The following PCOLCE2 variants were observed in gnomAD, a reference collection of about 807,000 sequenced individuals.
PCOLCE2 encodes the protein procollagen C-proteinase enhancer 2.
Under a neutral mutation model 47.0 loss-of-function variants are expected in PCOLCE2, and 42 were observed. That is an observed-to-expected ratio of 0.89 (90% CI 0.70 to 1.16). The LOEUF (loss-of-function observed/expected upper bound fraction) is 1.16. Among genes scored for constraint, PCOLCE2 ranks in the 50% most tolerant of loss-of-function variants. The pLI is 0.00. For synonymous variants in PCOLCE2, 169 were observed against 191.7 expected, an observed-to-expected ratio of 0.88 and a Z score of 0.98; for missense variants, 500 against 526.1, an observed-to-expected ratio of 0.95 and a Z score of 0.49.
chr3:142,882,027 C>A (rs959487887), intron 2 of PCOLCE2, among the ~76,000 whole-genome samples: 3 of 151,962 alleles, frequency 2.0e-5, no homozygotes, highest in Non-Finnish European at 4.4e-5. Context: ...TCATCATCAT[C>A]GTCGTCATCA....
At chr3:142,826,427 A>AC (rs1293644886) in intron 6 of PCOLCE2, among the ~76,000 whole-genome samples, 1 of 151,932 alleles carries the variant, frequency 6.6e-6, no homozygotes, top group African/African-American at 2.4e-5. Context: ...GAGAGGGGTC[A>AC]CCCCCCTCCG....
chr3:142,840,265 A>ATTTAGTGTCCAATAATT (rs1937251227), intron 4 of PCOLCE2, among the ~76,000 whole-genome samples: 1 of 152,212 alleles, frequency 6.6e-6, no homozygotes, highest in African/African-American at 2.4e-5. Context: ...AGTACCAATA[A>ATTTAGTGTCCAATAATT]TAGTGTCCTA....
intron 6 of PCOLCE2, among the ~76,000 whole-genome samples, chr3:142,824,967 A>C (rs779128093): frequency 2.0e-5 from 3 of 152,224 alleles, no homozygotes; most frequent in African/African-American, 7.2e-5. Context: ...AGTTAACTCC[A>C]GAAAGAATCT....
intron 6 of PCOLCE2, chr3:142,827,776 C>A: frequency 1.6e-6 from 1 of 634,982 alleles, no homozygotes; most frequent in Non-Finnish European, 2.8e-6. Flanking sequence ...GTCTGGGGAC[C>A]CGTGTACCCC....
intron 6 of PCOLCE2, chr3:142,827,814 TC>T: frequency 1.7e-6 from 1 of 577,088 alleles, no homozygotes. Flanking sequence ...CTGGAAAATC[TC>T]ACGGACACCT....
In PCOLCE2 at chr3:142,848,486, C is replaced by A; in HGVS notation, c.193-14G>T. 6.3e-7 allele frequency: 1 copy of A among 1,584,624 alleles called. No homozygotes were observed. The highest frequency in any genetic ancestry group is 8.6e-7 in the Non-Finnish European group (1 of 1,160,724). The stretch of plus-strand genomic sequence containing the variant: ...TCCTTCGGGAACCTGCCAAGAAAAG[C>A]GCCAATTAGAAAACTGTCATGAAAA... On this transcript the variant is annotated splice_polypyrimidine_tract_variant and intron_variant, in intron 2 of 8. Transcript: ENST00000295992.
In PCOLCE2 at chr3:142,853,900, G is replaced by A. The variant is rs116496720; in HGVS notation, c.193-5428C>T. 1.7e-3 allele frequency among the ~76,000 whole-genome samples: 254 copies of A among 152,314 alleles called. 3 individuals are homozygous for A. The highest frequency in any genetic ancestry group is 5.7e-3 in the African/African-American group (236 of 41,570). On this transcript the variant is annotated intron_variant, in intron 2 of 8. Transcript: ENST00000295992. ...TCCTATCAACAGCAAAGTCCCGTGT[G>A]GGCCAAAGCGTAGAGCTTCCACAGT...
Position 142,834,705 on chromosome 3 carries a change from C to T in PCOLCE2, c.710+4065G>A, listed in dbSNP as rs533464685. ...GTCATAGAATTTTTTTTATACATTG[C>T]TAAATTTGGCTTGCCAAGTTTTTTG... is the stretch of plus-strand genomic sequence containing the variant. On this transcript the variant is annotated intron_variant, in intron 5 of 8. Transcript: ENST00000295992. 3.3e-5 allele frequency among the ~76,000 whole-genome samples: 5 copies of T among 152,188 alleles called. No individual in the cohort carries two copies. The East Asian group carries it at 9.6e-4, about 29-fold the overall frequency.
At chr3:142,839,390 G>A (rs976779653) in intron 4 of PCOLCE2, among the ~76,000 whole-genome samples, 24 of 151,504 alleles carry the variant, frequency 1.6e-4, no homozygotes, top group African/African-American at 5.3e-4. Context: ...TCAGCTCACT[G>A]CAACCTCTGC....
chr3:142,826,362 C>T (rs936741851), intron 6 of PCOLCE2, among the ~76,000 whole-genome samples: 2 of 152,092 alleles, frequency 1.3e-5, no homozygotes, highest in African/African-American at 4.8e-5. Flanking sequence ...TTCTCAAGAT[C>T]CCCACCAAAC....
At position 142,823,540 on chromosome 3, in the gene PCOLCE2, C is replaced by T; in HGVS notation, c.941G>A (p.Ser314Asn). ...TGGCTTTTATTTCTTACCAAAGTCA[C>T]TTGAACAATAATTGCCCTCCAGAGT... is the stretch of plus-strand genomic sequence containing the variant. ...TGTLEGNYCS[S>N]DFVLAGTVIT... The change falls in exon 7 of 9, where the codon AGT (serine) becomes AAT (asparagine). Residue 314 changes from serine to asparagine, a missense_variant. Physicochemically the swap from Ser to Asn is conservative, Grantham distance 46. Transcript: ENST00000295992. 6.2e-7 allele frequency: 1 copy of T among 1,600,938 alleles called. No homozygotes were observed. The highest frequency in any genetic ancestry group is 8.6e-7 in the Non-Finnish European group (1 of 1,168,894).
Position 142,823,915 on chromosome 3 carries a change from G to A in PCOLCE2, c.866-300C>T, listed in dbSNP as rs577543510. Among the ~76,000 whole-genome samples, 35 of 152,242 alleles carry A rather than the reference G, an allele frequency of 2.3e-4. 2 individuals are homozygous for A. The highest frequency in any genetic ancestry group is 5.9e-5 in the Non-Finnish European group (4 of 68,018). ...ACAAACACTATAAGAAAATACAGGC[G>A]TACTCTGAGTGTGTGCCCTGTTTAG... is the stretch of plus-strand genomic sequence containing the variant. On this transcript the variant is annotated intron_variant, in intron 6 of 8. Coordinates refer to ENST00000295992, the MANE Select transcript of PCOLCE2 (RefSeq NM_013363.4).
intron 3 of PCOLCE2, chr3:142,846,786 C>T (rs1937333093): frequency 6.6e-6 from 1 of 152,044 alleles, no homozygotes; most frequent in Non-Finnish European, 1.5e-5. Flanking sequence ...GATCCTGTTT[C>T]TTTTATCTCT....
intron 2 of PCOLCE2, among the ~76,000 whole-genome samples, chr3:142,853,487 G>T (rs527858551): frequency 6.6e-6 from 1 of 152,124 alleles, no homozygotes; most frequent in African/African-American, 2.4e-5. Context: ...CCCAGGATCT[G>T]GCATGGCCCC....
At chr3:142,838,544 C>T (rs1389631001) in intron 5 of PCOLCE2, among the ~76,000 whole-genome samples, 1 of 152,154 alleles carries the variant, frequency 6.6e-6, no homozygotes. Flanking sequence ...CCTCATGCTT[C>T]CTGTACAACA....
At chr3:142,888,565 A>G in intron 1 of PCOLCE2, 1 of 396,482 alleles carries the variant, frequency 2.5e-6, no homozygotes, top group Non-Finnish European at 4.5e-6. Context: ...GTGGTGGCCA[A>G]GCCAGCTGCA....
At chr3:142,835,347 G>A (rs1031229624) in intron 5 of PCOLCE2, among the ~76,000 whole-genome samples, 1 of 151,980 alleles carries the variant, frequency 6.6e-6, no homozygotes, top group African/African-American at 2.4e-5. Context: ...AACTATTTCT[G>A]GTAATGCTTT....
intron 2 of PCOLCE2, among the ~76,000 whole-genome samples, chr3:142,873,051 C>T (rs947283649): frequency 6.6e-6 from 1 of 152,110 alleles, no homozygotes; most frequent in South Asian, 2.1e-4. Context: ...TCATCTCTAT[C>T]ATTCAACCTT....
chr3:142,888,761 G>C (rs1933766033), intron 1 of PCOLCE2, 53 bp downstream of exon 1: 7 of 1,095,788 alleles, frequency 6.4e-6, no homozygotes, highest in Non-Finnish European at 8.8e-6. Context: ...CGAGGCTGCA[G>C]GGGTGGAGGA....
Sources: gnomAD v4.1 joint callset for allele counts (sites outside exome capture counted in the v4.1 genomes callset) on GRCh38, gnomAD v4.1.1 for gene constraint, MANE v1.5 for transcripts, NCBI Gene and HGNC (gene_info 2026-07-23, HGNC 2026-07-21) for gene names.